CAMKMT: variants seen among roughly 807,000 people sequenced by gnomAD.
The protein encoded by CAMKMT is calmodulin-lysine N-methyltransferase.
A neutral mutation model predicts 48.0 loss-of-function variants in CAMKMT; 53 were observed. The observed-to-expected ratio is 1.10, with a 90% confidence interval of 0.89 to 1.39. The LOEUF (loss-of-function observed/expected upper bound fraction) is 1.39, where lower values mean the gene tolerates loss of function less well. Ranked by LOEUF, CAMKMT falls within the 40% of genes most tolerant of loss-of-function variation. The pLI, the probability that CAMKMT is intolerant of heterozygous loss-of-function variation, is 0.00. For synonymous variants in CAMKMT, 165 were observed against 152.3 expected (o/e 1.08, Z -0.61); for missense variants, 428 against 402.7 (o/e 1.06, Z -0.54).
chr2:44,728,877 G>T (rs1228641839), intron 7 of CAMKMT, among the ~76,000 whole-genome samples: 1 of 131,802 alleles, frequency 7.6e-6, no homozygotes, highest in Non-Finnish European at 1.6e-5. Flanking sequence ...CCAACTCTTG[G>T]TTTCATTGAT....
intron 3 of CAMKMT, among the ~76,000 whole-genome samples, chr2:44,542,558 T>TCTCTCTC (rs1558690238): frequency 1.2e-4 from 6 of 50,090 alleles, no homozygotes; most frequent in South Asian, 1.5e-3. Context: ...CTCTCTCTCT[T>TCTCTCTC]TCTCTCTCCA....
chr2:44,437,676 C>G (rs1351495281), intron 3 of CAMKMT, among the ~76,000 whole-genome samples: 1 of 151,922 alleles, frequency 6.6e-6, no homozygotes, highest in Admixed American at 6.6e-5. Context: ...GGTGAAACCC[C>G]CGTCTCTACA....
chr2:44,737,796 T>G (rs1679438454), intron 7 of CAMKMT, among the ~76,000 whole-genome samples: 1 of 151,976 alleles, frequency 6.6e-6, no homozygotes, highest in Non-Finnish European at 1.5e-5. Context: ...TGCTCTCCTA[T>G]TCAGTATTTT....
chr2:44,750,662 A>G (rs909903690), intron 8 of CAMKMT, among the ~76,000 whole-genome samples: 6 of 152,180 alleles, frequency 3.9e-5, no homozygotes, highest in Admixed American at 6.6e-5. Flanking sequence ...CCAGGAATCA[A>G]CGTTTTCGTC....
chr2:44,608,367 C>T (rs1671415393), intron 3 of CAMKMT, among the ~76,000 whole-genome samples: 1 of 152,064 alleles, frequency 6.6e-6, no homozygotes. Context: ...CCACCGCACC[C>T]AGCCTATTTT....
At chr2:44,584,201 T>G (rs1669723700) in intron 3 of CAMKMT, among the ~76,000 whole-genome samples, 1 of 152,242 alleles carries the variant, frequency 6.6e-6, no homozygotes, top group Non-Finnish European at 1.5e-5. Context: ...GGTGTTTTCC[T>G]TATTATTACT....
chr2:44,498,237 G>A (rs974474313), intron 3 of CAMKMT, among the ~76,000 whole-genome samples: 16 of 152,134 alleles, frequency 1.1e-4, no homozygotes, highest in African/African-American at 3.9e-4. Flanking sequence ...ATGACTTCAT[G>A]TTGTGGAGTT....
At chr2:44,547,246 A>G (rs1667458584) in intron 3 of CAMKMT, among the ~76,000 whole-genome samples, 1 of 152,226 alleles carries the variant, frequency 6.6e-6, no homozygotes, top group Non-Finnish European at 1.5e-5. Flanking sequence ...TCACTTGGAA[A>G]TAAGCTCAGC....
intron 7 of CAMKMT, chr2:44,723,724 C>T (rs536314527): frequency 2.0e-5 from 3 of 152,164 alleles, no homozygotes; most frequent in South Asian, 2.1e-4. Context: ...TTGCTTATTT[C>T]GTAGATGTTA....
intron 3 of CAMKMT, among the ~76,000 whole-genome samples, chr2:44,466,594 T>G (rs1034134562): frequency 6.6e-6 from 1 of 151,802 alleles, no homozygotes; most frequent in Non-Finnish European, 1.5e-5. Flanking sequence ...CAAAATAACT[T>G]TACACTCAAG....
chr2:44,465,590 GA>G, intron 3 of CAMKMT, among the ~76,000 whole-genome samples: 1 of 143,158 alleles, frequency 7.0e-6, no homozygotes, highest in Non-Finnish European at 1.5e-5. Context: ...AAAAATCAAT[GA>G]AACATAAAGG....
intron 7 of CAMKMT, among the ~76,000 whole-genome samples, chr2:44,724,066 G>A (rs938699579): frequency 9.9e-5 from 15 of 152,140 alleles, no homozygotes; most frequent in African/African-American, 3.6e-4. Context: ...CTCTGGAATG[G>A]CACTTTCTTT....
chr2:44,562,422 A>C (rs952227929), intron 3 of CAMKMT, among the ~76,000 whole-genome samples: 2 of 152,186 alleles, frequency 1.3e-5, no homozygotes, highest in Non-Finnish European at 2.9e-5. Flanking sequence ...GCCGAATATA[A>C]GTATTAACTC....
chr2:44,618,589 G>C lies in CAMKMT; in HGVS notation c.377-85694G>C, dbSNP rs1452630037. ...CTTGAAATGATTCCAACTGTCTCCT[G>C]ACTTCTCACTGTTGCCATATTCAGT... On this transcript the variant is annotated intron_variant, in intron 3 of 10. Coordinates refer to ENST00000378494, the MANE Select transcript of CAMKMT (RefSeq NM_024766.5). This position sits in a 1 kb window ranked among gnomAD's most constrained non-coding sequence, Gnocchi z 4.0. 6.6e-6 allele frequency among the ~76,000 whole-genome samples: 1 copy of C among 152,186 alleles called. No individual in the cohort carries two copies. Among genetic ancestry groups the C allele is most frequent in the Non-Finnish European group, 1.5e-5 (1 of 68,014 alleles).
intron 3 of CAMKMT, among the ~76,000 whole-genome samples, chr2:44,669,525 G>A (rs1171674663): frequency 2.0e-5 from 3 of 152,178 alleles, no homozygotes; most frequent in Admixed American, 6.5e-5. Flanking sequence ...ACTAATATAA[G>A]CACTGGATGA....
At chr2:44,692,603 T>C (rs777427109) in intron 3 of CAMKMT, among the ~76,000 whole-genome samples, 7 of 152,218 alleles carry the variant, frequency 4.6e-5, no homozygotes, top group Non-Finnish European at 8.8e-5. Flanking sequence ...CCTTGATAAT[T>C]GTATGTTGCA....
chr2:44,768,975 A>T (rs1338190017), intron 10 of CAMKMT, among the ~76,000 whole-genome samples: 1 of 152,096 alleles, frequency 6.6e-6, no homozygotes, highest in Non-Finnish European at 1.5e-5. Context: ...TAATCTTGTT[A>T]CACAAATGGT....
chr2:44,397,108 T>C (rs1681927240), intron 3 of CAMKMT, among the ~76,000 whole-genome samples: 1 of 150,918 alleles, frequency 6.6e-6, no homozygotes, highest in African/African-American at 2.4e-5. Context: ...TTTAAAATAA[T>C]ACTTTTCTTG....
intron 3 of CAMKMT, among the ~76,000 whole-genome samples, chr2:44,669,795 A>G (rs1381649089): frequency 6.6e-6 from 1 of 151,858 alleles, no homozygotes; most frequent in Non-Finnish European, 1.5e-5. Context: ...GTGCCACCAC[A>G]TCTGGCTAAT....
Sources: gnomAD v4.1 joint callset for allele counts (sites outside exome capture counted in the v4.1 genomes callset) on GRCh38, gnomAD v4.1.1 for gene constraint, Gnocchi (gnomAD v3.1) non-coding constraint, MANE v1.5 for transcripts, NCBI Gene and HGNC (gene_info 2026-07-23, HGNC 2026-07-21) for gene names.